Variants in DEFB108B observed in about 807,000 individuals in gnomAD.
The protein encoded by DEFB108B is beta-defensin 108B.
Under a neutral mutation model 2.4 loss-of-function variants are expected in DEFB108B, and 3 were observed. That is an observed-to-expected ratio of 1.25 (90% CI 0.57 to 3.24). The LOEUF (loss-of-function observed/expected upper bound fraction) is 3.24. Ranked by LOEUF, DEFB108B falls within the 30% of genes most tolerant of loss-of-function variation. The probability of loss-of-function intolerance (pLI) is 0.03; values close to 1 mark genes in which losing one functional copy is unlikely to be tolerated. For synonymous variants in DEFB108B, 25 were observed against 28.7 expected (o/e 0.87, Z 0.41); for missense variants, 101 against 87.8 (o/e 1.15, Z -0.60).
intron 1 of DEFB108B, among the ~76,000 whole-genome samples, chr11:71,835,498 C>G (rs950588732): frequency 6.6e-6 from 1 of 152,148 alleles, no homozygotes; most frequent in African/African-American, 2.4e-5. Flanking sequence ...TGATGAACAC[C>G]TAGTTTGATT....
chr11:71,837,541 C>T lies in DEFB108B; in HGVS notation c.201C>T (p.Ser67=), dbSNP rs531858025. The T allele has an allele frequency of 4.3e-6, 7 of 1,611,192 alleles. No individual in the cohort carries two copies. The highest frequency in any genetic ancestry group is 5.9e-6 in the Non-Finnish European group (7 of 1,179,544). ...LPLGHQPRIE[S]TTPKKD ...TGGGGCATCAACCAAGAATTGAGAG[C>T]ACTACACCCAAAAAGGACTGAAGCC... is the stretch of plus-strand genomic sequence containing the variant. Residue 67 remains serine (S), a synonymous_variant, in exon 2 of 2, where the codon AGC becomes AGT. Transcript: ENST00000328698.
rs181751318 is a variant in DEFB108B, at chr11:71,837,442, C to T, written c.102C>T (p.Ser34=). The T allele has an allele frequency of 1.9e-5, 30 of 1,612,010 alleles. 2 individuals carry two copies. The African/African-American group carries it at 3.2e-4, about 17-fold the overall frequency. Residue 34 remains serine (S), a synonymous_variant, in exon 2 of 2, where the codon TCC becomes TCT. Coordinates refer to ENST00000328698, the MANE Select transcript of DEFB108B (RefSeq NM_001002035.2). ...AGATCTGTGAACGTCCAAATGGCTC[C>T]TGTCGGGACTTTTGCCTTGAAACAG... ...FKEICERPNG[S]CRDFCLETEI...
Position 71,837,511 on chromosome 11 carries a change from G to C in DEFB108B, c.171G>C (p.Leu57=), listed in dbSNP as rs1306506204. The change falls in exon 2 of 2, where the codon CTG becomes CTC. Residue 57 remains leucine, a synonymous_variant. Coordinates refer to ENST00000328698, the MANE Select transcript of DEFB108B (RefSeq NM_001002035.2). ...GRCLNSQPCC[L]PLGHQPRIES... is the part of the protein sequence containing the mutation. ...GTTTAAATAGCCAACCCTGCTGCCT[G>C]CCTCTGGGGCATCAACCAAGAATTG... The C allele has an allele frequency of 3.1e-6, 5 of 1,611,796 alleles. No individual in the cohort carries two copies. The highest frequency in any genetic ancestry group is 4.2e-6 in the Non-Finnish European group (5 of 1,179,840).
chr11:71,833,350 G>A (rs1952192697), intron 1 of DEFB108B, 93 bp downstream of exon 1: 3 of 1,552,768 alleles, frequency 1.9e-6, no homozygotes, highest in East Asian at 4.5e-5. Flanking sequence ...AACCAGAAAA[G>A]GGGGTCTCAT....
At position 71,837,555 on chromosome 11, in the gene DEFB108B, A is replaced by G. The variant is rs1180647974; in HGVS notation, c.215A>G (p.Lys72Arg). The change falls in exon 2 of 2, where the codon AAG becomes AGG. Residue 72 changes from lysine (K) to arginine (R), a missense_variant. Lys to Arg is a conservative substitution (Grantham distance 26, BLOSUM62 2). Transcript: ENST00000328698. The part of the protein sequence containing the change: ...QPRIESTTPK[K>R]D ...AGAATTGAGAGCACTACACCCAAAA[A>G]GGACTGAAGCCTGTTGTTTTCTGGA... The G allele has an allele frequency of 1.2e-6, 2 of 1,610,488 alleles. No homozygotes were observed. The highest frequency in any genetic ancestry group is 4.5e-5 in the East Asian group (2 of 44,886).
Position 71,837,662 on chromosome 11 carries a change from T to C in DEFB108B, c.*100T>C, listed in dbSNP as rs991221017. Reference sequence around the variant, plus strand: ...CTCTCTCCATTTTTCTCACAGGGATTTTTATTGAATCCTCAAAAAAGAATA... The same window carrying C: ...CTCTCTCCATTTTTCTCACAGGGATCTTTATTGAATCCTCAAAAAAGAATA... On this transcript the variant is annotated 3_prime_UTR_variant, in exon 2 of 2. Coordinates refer to ENST00000328698, the MANE Select transcript of DEFB108B (RefSeq NM_001002035.2). The C allele has an allele frequency of 1.4e-6, 2 of 1,428,564 alleles. No individual in the cohort carries two copies. Among genetic ancestry groups the C allele is most frequent in the South Asian group, 1.4e-5 (1 of 70,886 alleles). 88.5% of individuals were successfully genotyped at this position (1,428,564 alleles called of 1,614,324 possible).
intron 1 of DEFB108B, among the ~76,000 whole-genome samples, chr11:71,834,185 G>T (rs1222834340): frequency 3.3e-5 from 5 of 152,144 alleles, no homozygotes; most frequent in Admixed American, 1.3e-4. Context: ...CCACCCTGGA[G>T]TTCTGTTGTG....
intron 1 of DEFB108B, among the ~76,000 whole-genome samples, chr11:71,834,165 C>T (rs1156709390): frequency 6.6e-6 from 1 of 152,280 alleles, no homozygotes; most frequent in Middle Eastern, 3.4e-3. Flanking sequence ...CTGGCTTTCC[C>T]TAATACATCC....
chr11:71,836,215 T>C (rs918176900), intron 1 of DEFB108B, among the ~76,000 whole-genome samples: 23 of 152,220 alleles, frequency 1.5e-4, no homozygotes, highest in African/African-American at 4.8e-4. Context: ...AGAATTATCA[T>C]TGTCTTCAAA....
intron 1 of DEFB108B, among the ~76,000 whole-genome samples, chr11:71,834,245 C>G (rs1952200314): frequency 6.6e-6 from 1 of 152,076 alleles, no homozygotes; most frequent in South Asian, 2.1e-4. Flanking sequence ...GATACCATAT[C>G]CAATTATATT....
intron 1 of DEFB108B, among the ~76,000 whole-genome samples, chr11:71,835,944 G>A (rs1952213720): frequency 6.6e-6 from 1 of 152,174 alleles, no homozygotes; most frequent in Non-Finnish European, 1.5e-5. Context: ...ACCCGTAGTA[G>A]AATGCAAGAA....
intron 1 of DEFB108B, among the ~76,000 whole-genome samples, 155 bp downstream of exon 1, chr11:71,833,412 T>A (rs771496130): frequency 6.6e-6 from 1 of 152,224 alleles, no homozygotes; most frequent in Non-Finnish European, 1.5e-5. Flanking sequence ...TCTAATTCAT[T>A]AATTCTCCAT....
intron 1 of DEFB108B, among the ~76,000 whole-genome samples, chr11:71,835,942 TAGA>T (rs1952213703): frequency 6.6e-6 from 1 of 152,168 alleles, no homozygotes; most frequent in African/African-American, 2.4e-5. Context: ...CCACCCGTAG[TAGA>T]ATGCAAGAAG....
Position 71,833,250 on chromosome 11 carries a change from T to C in DEFB108B, c.51T>C (p.Val17=). 6.3e-7 allele frequency: 1 copy of C among 1,581,636 alleles called. No homozygotes were observed. The highest frequency in any genetic ancestry group is 8.7e-7 in the Non-Finnish European group (1 of 1,155,190). ...CCATTTTCTTCTTTATGAGCCAAGTTCTACCAGGTAACAAAATAAACTTGG... is the reference window on the plus strand; with the variant it reads ...CCATTTTCTTCTTTATGAGCCAAGTCCTACCAGGTAACAAAATAAACTTGG... ...LFAIFFFMSQ[V]LPARGKFKEI... Residue 17 remains valine, a synonymous_variant, in exon 1 of 2, where the codon GTT becomes GTC. Transcript: ENST00000328698.
chr11:71,833,771 C>T (rs1288688102), intron 1 of DEFB108B, among the ~76,000 whole-genome samples: 1 of 152,220 alleles, frequency 6.6e-6, no homozygotes, highest in African/African-American at 2.4e-5. Flanking sequence ...GCTCCATCTC[C>T]ATCCCTGGCT....
chr11:71,835,900 A>G (rs986877068), intron 1 of DEFB108B, among the ~76,000 whole-genome samples: 3 of 152,230 alleles, frequency 2.0e-5, no homozygotes, highest in African/African-American at 7.2e-5. Flanking sequence ...CAAGAAATTC[A>G]TTATCAAGAA....
Position 71,837,431 on chromosome 11 carries a change from C to T in DEFB108B, c.91C>T (p.Pro31Ser). 1 of 1,611,956 alleles carries T rather than the reference C, an allele frequency of 6.2e-7. No individual in the cohort carries two copies. Among genetic ancestry groups the T allele is most frequent in the Middle Eastern group, 2.3e-4 (1 of 4,428 alleles). Reference protein sequence around the residue: ...RGKFKEICERPNGSCRDFCLE... With the variant: ...RGKFKEICERSNGSCRDFCLE... ...CAAATTCAAGGAGATCTGTGAACGT[C>T]CAAATGGCTCCTGTCGGGACTTTTG... is the stretch of plus-strand genomic sequence containing the variant. The change falls in exon 2 of 2, where the codon CCA (proline) becomes TCA (serine). Residue 31 changes from proline to serine, a missense_variant. Coordinates refer to ENST00000328698, the MANE Select transcript of DEFB108B (RefSeq NM_001002035.2).
intron 1 of DEFB108B, among the ~76,000 whole-genome samples, chr11:71,835,494 A>T (rs2121253455): frequency 6.6e-6 from 1 of 152,316 alleles, no homozygotes; most frequent in East Asian, 1.9e-4. Flanking sequence ...CTGTTGATGA[A>T]CACCTAGTTT....
chr11:71,836,877 T>G (rs1952223277), intron 1 of DEFB108B: 1 of 152,278 alleles, frequency 6.6e-6, no homozygotes, highest in Admixed American at 6.5e-5. Context: ...TATTGTCTTT[T>G]AGGTCTATAT....
Sources: allele counts gnomAD v4.1 joint callset (sites outside exome capture counted in the v4.1 genomes callset), GRCh38; gene constraint gnomAD v4.1.1; transcripts MANE v1.5; gene names NCBI Gene and HGNC (gene_info 2026-07-23, HGNC 2026-07-21).